The following DNAH6 variants were observed in gnomAD, a reference collection of about 807,000 sequenced individuals.
DNAH6 encodes the protein axonemal beta dynein heavy chain 6.
DNAH6 carries 340 observed loss-of-function variants against 491.4 expected under a neutral mutation model. The ratio of observed to expected loss-of-function variants is 0.69; its 90% CI spans 0.63 to 0.76. The LOEUF (loss-of-function observed/expected upper bound fraction) is 0.76, where lower values mean the gene tolerates loss of function less well. Ranked by LOEUF, DNAH6 falls within the 30% of genes least tolerant of loss-of-function variation. The pLI, the probability that DNAH6 is intolerant of heterozygous loss-of-function variation, is 0.00. For missense variants in DNAH6, 4,443 were observed against 4,972.2 expected (o/e 0.89, Z 3.20); for synonymous variants, 1,603 against 1,686.1 (o/e 0.95, Z 1.21).
At chr2:84,562,228 T>A (rs1322664830) in intron 11 of DNAH6, among the ~76,000 whole-genome samples, 1 of 152,068 alleles carries the variant, frequency 6.6e-6, no homozygotes, top group African/African-American at 2.4e-5. Context: ...ATGGTATTTT[T>A]AAAAAATATA....
chr2:84,583,654 C>T (rs1017108417), intron 14 of DNAH6, among the ~76,000 whole-genome samples: 23 of 152,186 alleles, frequency 1.5e-4, no homozygotes, highest in African/African-American at 5.5e-4. Flanking sequence ...GGGGTGGTTT[C>T]CCCCATACTG....
At chr2:84,674,711 A>C (rs182302746) in intron 40 of DNAH6, among the ~76,000 whole-genome samples, 5 of 152,310 alleles carry the variant, frequency 3.3e-5, no homozygotes, top group Non-Finnish European at 7.4e-5. Flanking sequence ...TGAGGAGAGA[A>C]TATCACGTGC....
chr2:84,667,299 G>T (rs1042129040), intron 37 of DNAH6, among the ~76,000 whole-genome samples: 2 of 152,130 alleles, frequency 1.3e-5, no homozygotes, highest in African/African-American at 4.8e-5. Context: ...ACTACCATCA[G>T]TGTGAACAGG....
At chr2:84,773,214 T>A (rs956828468) in intron 64 of DNAH6, among the ~76,000 whole-genome samples, 1 of 152,006 alleles carries the variant, frequency 6.6e-6, no homozygotes, top group Non-Finnish European at 1.5e-5. Context: ...TTCAACCCTC[T>A]CTTCCTCCCC....
the DNAH6 span, among the ~76,000 whole-genome samples, chr2:84,502,452 G>A: frequency 1.3e-5 from 2 of 152,112 alleles, no homozygotes; most frequent in East Asian, 3.8e-4. Flanking sequence ...GGCTTTCCCT[G>A]AGAATAATTC....
chr2:84,470,290 T>C, the DNAH6 span, among the ~76,000 whole-genome samples: 3 of 152,200 alleles, frequency 2.0e-5, no homozygotes, highest in Non-Finnish European at 1.5e-5. Flanking sequence ...GAGAGGGTTC[T>C]TGGATCTTGC....
chr2:84,516,438 T>G (rs776070289), upstream of DNAH6: 5 of 152,236 alleles, frequency 3.3e-5, no homozygotes, highest in Non-Finnish European at 7.3e-5. Context: ...TGGCGACGTG[T>G]TACTCAGTGG....
At chr2:84,752,640 A>G (rs72832552) in intron 63 of DNAH6, among the ~76,000 whole-genome samples, 3,321 of 151,918 alleles carry the variant, frequency 0.022, 117 homozygotes, top group South Asian at 0.16. Context: ...ACACTAGTCT[A>G]CTTCTGTCTC....
chr2:84,640,532 T>C lies in DNAH6; in HGVS notation c.4924T>C (p.Tyr1642His). ...CSEQLSQQDH[Y>H]DFGMRAVKSV... is the part of the protein sequence containing the mutation. ...TGAGCAGCTGTCTCAGCAGGATCAC[T>C]ACGACTTTGGCATGAGAGCTGTGAA... is the stretch of plus-strand genomic sequence containing the variant. The change falls in exon 32 of 77, where the codon TAC becomes CAC. Residue 1642 changes from tyrosine (Y) to histidine (H), a missense_variant. Transcript: ENST00000389394. The C allele has an allele frequency of 6.4e-7, 1 of 1,551,226 alleles. No individual in the cohort carries two copies. The highest frequency in any genetic ancestry group is 8.7e-7 in the Non-Finnish European group (1 of 1,146,694).
intron 72 of DNAH6, among the ~76,000 whole-genome samples, chr2:84,809,076 A>G (rs1305826914): frequency 6.6e-6 from 1 of 152,214 alleles, no homozygotes; most frequent in Non-Finnish European, 1.5e-5. Flanking sequence ...GATAATTTTA[A>G]TGTCACTAAA....
chr2:84,819,056 T>G (rs1228690709), intron 76 of DNAH6, among the ~76,000 whole-genome samples: 1 of 151,684 alleles, frequency 6.6e-6, no homozygotes, highest in East Asian at 1.9e-4. Flanking sequence ...GCCTGGGTGA[T>G]AGAGTGAGAC....
chr2:84,747,305 C>T (rs1673055817), intron 63 of DNAH6, among the ~76,000 whole-genome samples: 1 of 152,204 alleles, frequency 6.6e-6, no homozygotes, highest in Non-Finnish European at 1.5e-5. Flanking sequence ...AAGTTATTTA[C>T]TTCCAAGACA....
chr2:84,477,932 C>A, the DNAH6 span, among the ~76,000 whole-genome samples: 1 of 152,242 alleles, frequency 6.6e-6, no homozygotes, highest in Non-Finnish European at 1.5e-5. Flanking sequence ...CTGACAACTT[C>A]TTTCTGGAAA....
At chr2:84,571,094 A>G (rs59030121) in intron 11 of DNAH6, among the ~76,000 whole-genome samples, 3,589 of 152,324 alleles carry the variant, frequency 0.024, 58 homozygotes, top group Middle Eastern at 0.092. Flanking sequence ...TCCTTTGAAT[A>G]AAATGAGAAT....
chr2:84,552,120 T>G (rs1227007736), intron 9 of DNAH6, among the ~76,000 whole-genome samples: 3 of 152,150 alleles, frequency 2.0e-5, no homozygotes, highest in Non-Finnish European at 4.4e-5. Context: ...ACCATTCGTT[T>G]TAATCTGTGT....
At chr2:84,812,760 G>C (rs1247405551) in intron 73 of DNAH6, among the ~76,000 whole-genome samples, 2 of 152,130 alleles carry the variant, frequency 1.3e-5, no homozygotes, top group Non-Finnish European at 2.9e-5. Flanking sequence ...TGGGGTTTCA[G>C]CTCTAATTCA....
chr2:84,637,734 T>C (rs72922747), intron 31 of DNAH6, among the ~76,000 whole-genome samples: 1,713 of 152,344 alleles, frequency 0.011, 29 homozygotes, highest in African/African-American at 0.038. Flanking sequence ...CATTATTTTT[T>C]ACTGGAGTCA....
At chr2:84,484,952 G>A in the DNAH6 span, among the ~76,000 whole-genome samples, 1 of 152,188 alleles carries the variant, frequency 6.6e-6, no homozygotes, top group Non-Finnish European at 1.5e-5. Flanking sequence ...ATAATTCTGA[G>A]TTCTGAACCC....
Position 84,758,637 on chromosome 2 carries a change from A to G in DNAH6, c.10513-4118A>G, listed in dbSNP as rs1361644666. On this transcript the variant is annotated intron_variant, in intron 63 of 76. Coordinates refer to ENST00000389394, the MANE Select transcript of DNAH6 (RefSeq NM_001370.2). ...TATCCAGGGATGCAAGGATGATTTA[A>G]CGTATGCAAATCAATAAATGTGATA... 3.9e-5 allele frequency among the ~76,000 whole-genome samples: 6 copies of G among 152,212 alleles called. No individual in the cohort carries two copies. The East Asian group carries it at 1.2e-3, about 29-fold the overall frequency.
Sources: allele counts gnomAD v4.1 joint callset (sites outside exome capture counted in the v4.1 genomes callset), GRCh38; gene constraint gnomAD v4.1.1; transcripts MANE v1.5; gene names NCBI Gene and HGNC (gene_info 2026-07-23, HGNC 2026-07-21).